TRIM16: variants seen among roughly 807,000 people sequenced by gnomAD.
TRIM16 encodes the protein tripartite motif containing 16.
Under a neutral mutation model 50.4 loss-of-function variants are expected in TRIM16, and 33 were observed. That is an observed-to-expected ratio of 0.65 (90% confidence interval 0.50 to 0.88). TRIM16 has a LOEUF of 0.88. TRIM16 is among the 40% of genes least tolerant of loss of function. The pLI is 0.00. For synonymous variants in TRIM16, 229 were observed against 270.7 expected (o/e 0.85, Z 1.51); for missense variants, 581 against 686.8 (o/e 0.85, Z 1.72).
At chr17:15,676,576 C>T (rs1177663788) in intron 6 of TRIM16, among the ~76,000 whole-genome samples, 2 of 151,548 alleles carry the variant, frequency 1.3e-5, no homozygotes, top group Non-Finnish European at 2.9e-5. Flanking sequence ...GCTGGGACTA[C>T]AGGTGCCCGC....
intron 6 of TRIM16, among the ~76,000 whole-genome samples, chr17:15,655,040 T>C (rs942240637): frequency 2.2e-4 from 33 of 152,140 alleles, no homozygotes; most frequent in Admixed American, 2.0e-3. Flanking sequence ...CACAAAGCCA[T>C]ACAGGCTTCT....
At chr17:15,644,919 G>A (rs58239402) in intron 7 of TRIM16, among the ~76,000 whole-genome samples, 17,576 of 151,334 alleles carry the variant, frequency 0.12, 1,755 homozygotes, top group African/African-American at 0.28. Flanking sequence ...GGGTTCATGC[G>A]ATTCTCCTGC....
At chr17:15,671,608 G>A (rs542805472) in intron 6 of TRIM16, among the ~76,000 whole-genome samples, 7 of 151,890 alleles carry the variant, frequency 4.6e-5, no homozygotes, top group African/African-American at 1.4e-4. Flanking sequence ...TCTATTTCAC[G>A]TGATTTTTTT....
At chr17:15,647,853 T>TCACACACACACACACACACA (rs1408763095) in intron 7 of TRIM16, among the ~76,000 whole-genome samples, 1 of 115,994 alleles carries the variant, frequency 8.6e-6, no homozygotes. Context: ...ACACACACAG[T>TCACACACACACACACACACA]CTCATTTCTA....
chr17:15,651,965 T>C lies in TRIM16; in HGVS notation c.-337-19A>G, dbSNP rs1757376435. 8.3e-7 allele frequency: 1 copy of C among 1,198,408 alleles called. No homozygotes were observed. The highest frequency in any genetic ancestry group is 1.6e-5 in the African/African-American group (1 of 63,220). 74.2% of individuals were successfully genotyped at this position (1,198,408 alleles called of 1,614,324 possible). A position where few individuals can be genotyped will look rare whatever the true frequency, so the allele number is the denominator to read the frequency against. ...GCCTGCTCTGGAAAGGACAGAAGAT[T>C]CCTGAGCTCTGTTATAAGCCTGTGT... On this transcript the variant is annotated intron_variant, in intron 6 of 11. Transcript: ENST00000649191.
intron 6 of TRIM16, among the ~76,000 whole-genome samples, chr17:15,672,111 C>T (rs1364550264): frequency 1.3e-5 from 2 of 152,018 alleles, no homozygotes; most frequent in East Asian, 3.9e-4. Flanking sequence ...GGATAATTTG[C>T]TTGGAGGAAT....
chr17:15,658,520 A>G (rs1988076740), intron 6 of TRIM16, among the ~76,000 whole-genome samples: 1 of 152,232 alleles, frequency 6.6e-6, no homozygotes, highest in African/African-American at 2.4e-5. Flanking sequence ...TGAGAAAAAT[A>G]AAAATAATAT....
At chr17:15,655,153 GA>G (rs1346308021) in intron 6 of TRIM16, among the ~76,000 whole-genome samples, 3 of 152,174 alleles carry the variant, frequency 2.0e-5, no homozygotes, top group African/African-American at 7.2e-5. Context: ...AGTATTAATG[GA>G]CAGGTGGCTT....
intron 5 of TRIM16, 51 bp from the exon 6 acceptor site, chr17:15,677,331 A>G (rs1445312616): frequency 4.1e-6 from 4 of 971,602 alleles, no homozygotes; most frequent in Non-Finnish European, 4.9e-6. Flanking sequence ...AGAAAGGACC[A>G]CTCTATTCTC....
chr17:15,659,425 G>A (rs757356915), intron 6 of TRIM16, among the ~76,000 whole-genome samples: 1 of 151,988 alleles, frequency 6.6e-6, no homozygotes, highest in Non-Finnish European at 1.5e-5. Context: ...GCAATGCCCT[G>A]GAAATGGAGA....
chr17:15,676,886 T>C (rs1988974863), intron 6 of TRIM16, among the ~76,000 whole-genome samples: 1 of 152,078 alleles, frequency 6.6e-6, no homozygotes, highest in African/African-American at 2.4e-5. Flanking sequence ...ACAGAGTAAA[T>C]GAAGAAGTGA....
At chr17:15,635,083 T>G (rs1986665294) in intron 9 of TRIM16, among the ~76,000 whole-genome samples, 1 of 148,328 alleles carries the variant, frequency 6.7e-6, no homozygotes, top group East Asian at 2.0e-4. Context: ...TTTTTTCTTC[T>G]TTTTTTGTAC....
intron 7 of TRIM16, among the ~76,000 whole-genome samples, chr17:15,649,048 G>A (rs570516227): frequency 2.2e-4 from 33 of 150,504 alleles, no homozygotes; most frequent in African/African-American, 6.4e-4. Flanking sequence ...AGAGTTCTGC[G>A]CGTGCTCTAC....
At chr17:15,682,781 G>GT in intron 3 of TRIM16, 73 bp downstream of exon 3, 1 of 1,321,258 alleles carries the variant, frequency 7.6e-7, no homozygotes, top group South Asian at 1.7e-5. Flanking sequence ...CGGAAGTAAG[G>GT]TATCTTCTTT....
chr17:15,663,865 T>C (rs535757454), intron 6 of TRIM16, among the ~76,000 whole-genome samples: 1 of 152,296 alleles, frequency 6.6e-6, no homozygotes, highest in Non-Finnish European at 1.5e-5. Flanking sequence ...TGCAGTGCTG[T>C]CATCAGCCCA....
At chr17:15,658,262 T>C (rs1474521683) in intron 6 of TRIM16, among the ~76,000 whole-genome samples, 1 of 152,226 alleles carries the variant, frequency 6.6e-6, no homozygotes, top group African/African-American at 2.4e-5. Flanking sequence ...AAGGCCATCA[T>C]TCTCAGGACT....
intron 8 of TRIM16, among the ~76,000 whole-genome samples, chr17:15,639,045 CTTT>C (rs529832460): frequency 1.1e-4 from 11 of 100,896 alleles, no homozygotes; most frequent in African/African-American, 5.6e-4. Context: ...TTCTCTCTCT[CTTT>C]TTTTTTTTTT....
intron 6 of TRIM16, among the ~76,000 whole-genome samples, chr17:15,660,281 G>C (rs1988164513): frequency 6.6e-6 from 1 of 152,318 alleles, no homozygotes; most frequent in South Asian, 2.1e-4. Context: ...GCTGTGGCCA[G>C]GGCCAGAGGA....
At chr17:15,676,735 G>A (rs769919418) in intron 6 of TRIM16, among the ~76,000 whole-genome samples, 5 of 152,164 alleles carry the variant, frequency 3.3e-5, no homozygotes, top group African/African-American at 4.8e-5. Context: ...GCGCCTGGCC[G>A]AAACCTGAGA....
Sources: allele counts gnomAD v4.1 joint callset (sites outside exome capture counted in the v4.1 genomes callset), GRCh38; gene constraint gnomAD v4.1.1; transcripts MANE v1.5; gene names NCBI Gene and HGNC (gene_info 2026-07-23, HGNC 2026-07-21).